Variants in MCC observed in about 807,000 individuals in gnomAD.
MCC encodes the protein MCC regulator of Wnt signaling pathway.
In MCC, 90 loss-of-function variants were observed where a neutral mutation model predicts 116.2. That is an observed-to-expected ratio of 0.77 (90% CI 0.65 to 0.92). The LOEUF is 0.92. MCC is among the 40% of genes least tolerant of loss of function. The pLI is 0.00. For synonymous variants in MCC, 578 were observed against 510.5 expected (o/e 1.13, Z -1.78); for missense variants, 1,516 against 1,312.2 (o/e 1.16, Z -2.40).
At chr5:113,322,222 C>T (rs1767438336) in intron 3 of MCC, among the ~76,000 whole-genome samples, 1 of 152,198 alleles carries the variant, frequency 6.6e-6, no homozygotes, top group African/African-American at 2.4e-5. Context: ...AGAATACACA[C>T]CTGTGGCTTC....
chr5:113,114,339 C>T (rs1757274561), intron 6 of MCC, among the ~76,000 whole-genome samples: 1 of 152,218 alleles, frequency 6.6e-6, no homozygotes, highest in African/African-American at 2.4e-5. Flanking sequence ...ATGACTGATT[C>T]TCAGTGCAGC....
chr5:113,037,083 C>T (rs149215029), intron 17 of MCC, among the ~76,000 whole-genome samples: 4 of 152,312 alleles, frequency 2.6e-5, no homozygotes, highest in Non-Finnish European at 4.4e-5. Flanking sequence ...TCCTCATGAA[C>T]CAGTGAAGAT....
intron 1 of MCC, among the ~76,000 whole-genome samples, chr5:113,456,623 ATTTT>A (rs34111159): frequency 7.8e-5 from 4 of 51,072 alleles, no homozygotes; most frequent in East Asian, 6.8e-4. Flanking sequence ...TGCCCAGCTA[ATTTT>A]TTTTTTTTTT....
At chr5:113,430,778 G>A (rs1770614923) in intron 1 of MCC, among the ~76,000 whole-genome samples, 1 of 152,200 alleles carries the variant, frequency 6.6e-6, no homozygotes, top group South Asian at 2.1e-4. Context: ...GTGCTAGTTG[G>A]AGGGTGGTCA....
intron 14 of MCC, among the ~76,000 whole-genome samples, 177 bp downstream of exon 14, chr5:113,063,807 G>C (rs576852652): frequency 1.3e-5 from 2 of 152,338 alleles, no homozygotes; most frequent in East Asian, 3.9e-4. Context: ...CCACTTTCTA[G>C]CTCTTCTGTT....
chr5:113,076,996 G>C (rs911330682), intron 11 of MCC, among the ~76,000 whole-genome samples: 1 of 151,990 alleles, frequency 6.6e-6, no homozygotes, highest in African/African-American at 2.4e-5. Flanking sequence ...AAAGAAGCAG[G>C]GGTTGCAATC....
chr5:113,395,910 G>T (rs1353009216), intron 1 of MCC, among the ~76,000 whole-genome samples: 1 of 152,160 alleles, frequency 6.6e-6, no homozygotes, highest in Non-Finnish European at 1.5e-5. Context: ...ACTGGGAAAT[G>T]GGAGAGGGGA....
intron 11 of MCC, among the ~76,000 whole-genome samples, chr5:113,072,559 CT>C (rs1229447554): frequency 1.3e-5 from 2 of 152,198 alleles, no homozygotes; most frequent in Non-Finnish European, 2.9e-5. Flanking sequence ...TTACTCTTTC[CT>C]TCTTAAAGAG....
chr5:113,223,509 G>GT (rs1763624309), intron 3 of MCC, among the ~76,000 whole-genome samples: 1 of 152,176 alleles, frequency 6.6e-6, no homozygotes. Context: ...TGCCAAGCCT[G>GT]TAACAGGAAG....
At chr5:113,201,855 AG>A (rs1231857103) in intron 3 of MCC, among the ~76,000 whole-genome samples, 1 of 152,184 alleles carries the variant, frequency 6.6e-6, no homozygotes, top group African/African-American at 2.4e-5. Context: ...AATTGAGACC[AG>A]GGGAGCCAGG....
At chr5:113,478,280 T>C (rs995111026) in intron 1 of MCC, among the ~76,000 whole-genome samples, 1 of 152,166 alleles carries the variant, frequency 6.6e-6, no homozygotes, top group Admixed American at 6.5e-5. Context: ...TTAGGTGGAA[T>C]GTAGAGGCAG....
At chr5:113,486,989 T>C (rs1772550588) in intron 1 of MCC, among the ~76,000 whole-genome samples, 1 of 152,152 alleles carries the variant, frequency 6.6e-6, no homozygotes, top group Admixed American at 6.5e-5. Flanking sequence ...GACTTCCAGA[T>C]AGAAATTTGC....
At chr5:113,133,358 T>C (rs1581129662) in intron 5 of MCC, among the ~76,000 whole-genome samples, 1 of 152,320 alleles carries the variant, frequency 6.6e-6, no homozygotes, top group East Asian at 1.9e-4. Flanking sequence ...TCCACTTCCT[T>C]AGCTCCCACA....
At chr5:113,363,922 C>T (rs1175185189) in intron 2 of MCC, among the ~76,000 whole-genome samples, 4 of 151,994 alleles carry the variant, frequency 2.6e-5, no homozygotes, top group Admixed American at 6.6e-5. Context: ...CCTTCCAAAA[C>T]GAAGAAATAG....
chr5:113,167,494 G>T (rs1031131309), intron 3 of MCC, among the ~76,000 whole-genome samples: 2 of 152,040 alleles, frequency 1.3e-5, no homozygotes, highest in African/African-American at 4.8e-5. Flanking sequence ...CAAAATAACA[G>T]GCTAGAGTGA....
chr5:113,217,523 C>T (rs532683468), intron 3 of MCC, among the ~76,000 whole-genome samples: 20 of 148,890 alleles, frequency 1.3e-4, no homozygotes, highest in Admixed American at 9.9e-4. Context: ...AACAGAGATA[C>T]TTGAGTTTTG....
chr5:113,196,469 A>G (rs1295210984), intron 3 of MCC, among the ~76,000 whole-genome samples: 1 of 152,212 alleles, frequency 6.6e-6, no homozygotes, highest in Non-Finnish European at 1.5e-5. Flanking sequence ...CCATGTTGCT[A>G]GATACTATGA....
At chr5:113,039,462 C>T (rs976682113) in intron 17 of MCC, among the ~76,000 whole-genome samples, 7 of 152,184 alleles carry the variant, frequency 4.6e-5, no homozygotes, top group African/African-American at 4.8e-5. Flanking sequence ...ATTTGCCTTT[C>T]GCACTGACAG....
chr5:113,053,692 C>T (rs760838333), intron 15 of MCC, 33 bp downstream of exon 15: 27 of 1,502,250 alleles, frequency 1.8e-5, no homozygotes, highest in Middle Eastern at 1.7e-4. Context: ...CTCCTGGTGG[C>T]AGCCTAGCAC....
Sources: allele counts gnomAD v4.1 joint callset (sites outside exome capture counted in the v4.1 genomes callset), GRCh38; gene constraint gnomAD v4.1.1; transcripts MANE v1.5; gene names NCBI Gene and HGNC (gene_info 2026-07-23, HGNC 2026-07-21).